The following NOS1 variants were observed in gnomAD, a reference collection of about 807,000 sequenced individuals.
NOS1 encodes the protein nitric oxide synthase 1.
In NOS1, 51 loss-of-function variants were observed where a neutral mutation model predicts 164.5. The ratio of observed to expected loss-of-function variants is 0.31; its 90% CI spans 0.25 to 0.39. The LOEUF (loss-of-function observed/expected upper bound fraction) is 0.39. Among genes scored for constraint, NOS1 ranks in the 10% least tolerant of loss-of-function variants. The pLI is 1.00. For synonymous variants in NOS1, 719 were observed against 745.8 expected, an observed-to-expected ratio of 0.96 and a Z score of 0.59; for missense variants, 1,362 against 1,885.6, an observed-to-expected ratio of 0.72 and a Z score of 5.14.
intron 3 of NOS1, among the ~76,000 whole-genome samples, chr12:117,300,274 G>A (rs1566065859): frequency 6.6e-6 from 1 of 152,146 alleles, no homozygotes; most frequent in Non-Finnish European, 1.5e-5. Context: ...GTGAAGGAGC[G>A]TGCAGAGTGG....
intron 10 of NOS1, among the ~76,000 whole-genome samples, chr12:117,270,049 A>G (rs1347902172): frequency 6.6e-6 from 1 of 152,222 alleles, no homozygotes; most frequent in East Asian, 1.9e-4. Flanking sequence ...CTGCTCTCTA[A>G]GCAGCTGACG....
intron 5 of NOS1, among the ~76,000 whole-genome samples, chr12:117,286,734 C>T (rs1874148402): frequency 6.6e-6 from 1 of 152,134 alleles, no homozygotes; most frequent in South Asian, 2.1e-4. Context: ...TCCCATGTCC[C>T]AAGCCTAAAA....
In NOS1 at chr12:117,220,286, G is replaced by T. The variant is rs1051711991; in HGVS notation, c.3976-17C>A. 2 of 1,592,886 alleles carry T rather than the reference G, an allele frequency of 1.3e-6. No homozygotes were observed. Among genetic ancestry groups the T allele is most frequent in the South Asian group, 2.3e-5 (2 of 88,342 alleles). On this transcript the variant is annotated splice_polypyrimidine_tract_variant and intron_variant, in intron 26 of 28. Coordinates refer to ENST00000317775, the MANE Select transcript of NOS1 (RefSeq NM_000620.5). ...CACGTACTTCTGCAAGGAGCAGAGAGCAGTGAGAAGGGGCTGGGCTGTGCA... is the reference window on the plus strand; with the variant it reads ...CACGTACTTCTGCAAGGAGCAGAGATCAGTGAGAAGGGGCTGGGCTGTGCA...
intron 28 of NOS1, among the ~76,000 whole-genome samples, chr12:117,217,231 G>A (rs1956625781): frequency 1.3e-5 from 2 of 152,132 alleles, no homozygotes; most frequent in South Asian, 2.1e-4. Context: ...GAGAGCTGGT[G>A]GAAAGGACAC....
In NOS1 at chr12:117,213,258, T is replaced by C; in HGVS notation, c.*2051A>G. On this transcript the variant is annotated 3_prime_UTR_variant, in exon 29 of 29. Transcript: ENST00000317775. ...GGAATTGGGGAGGCGTCTCCAAAGC[T>C]ATAAAGGATTGGAAAGAAAGCCTTT... is the stretch of plus-strand genomic sequence containing the variant. The C allele has an allele frequency of 2.0e-6, 2 of 985,476 alleles. No individual in the cohort carries two copies. Among genetic ancestry groups the C allele is most frequent in the South Asian group, 9.4e-5 (2 of 21,292 alleles). The allele number at this position is 985,476 out of a possible 1,614,324, so 61.0% of individuals were successfully genotyped here.
Position 117,286,223 on chromosome 12 carries a change from T to C in NOS1, c.1171A>G (p.Lys391Glu). 6.2e-7 allele frequency: 1 copy of C among 1,614,208 alleles called. No homozygotes were observed. The highest frequency in any genetic ancestry group is 8.5e-7 in the Non-Finnish European group (1 of 1,180,040). ...TAAGTGCTAGTGGTGTCGATCTCTTTGTTCACCTCTTCCAGCCTTTCCATG... is the reference window on the plus strand; with the variant it reads ...TAAGTGCTAGTGGTGTCGATCTCTTCGTTCACCTCTTCCAGCCTTTCCATG... ...AHMERLEEVN[K>E]EIDTTSTYQL... Residue 391 changes from lysine (K) to glutamate (E), a missense_variant, in exon 6 of 29, where the codon AAA becomes GAA. Transcript: ENST00000317775.
At position 117,213,673 on chromosome 12, in the gene NOS1, T is replaced by C. The variant is rs1482713613; in HGVS notation, c.*1636A>G. On this transcript the variant is annotated 3_prime_UTR_variant, in exon 29 of 29. Coordinates refer to ENST00000317775, the MANE Select transcript of NOS1 (RefSeq NM_000620.5). ...AACTGAACAACAAGATATGCCCACG[T>C]ACAGTATATAAAAGAAATGTGGTTT... 1.0e-6 allele frequency: 1 copy of C among 985,328 alleles called. No homozygotes were observed. The highest frequency in any genetic ancestry group is 1.7e-5 in the African/African-American group (1 of 57,238). The allele number at this position is 985,328 out of a possible 1,614,324, so 61.0% of individuals were successfully genotyped here.
Position 117,356,481 on chromosome 12 carries a change from A to G in NOS1, c.-421+5031T>C, listed in dbSNP as rs1259491375. ...ACCTCACCTCCACCTCTCTTGCAGAAACTTCACGCCAGGTACAGGGTTTGT... is the reference window on the plus strand; with the variant it reads ...ACCTCACCTCCACCTCTCTTGCAGAGACTTCACGCCAGGTACAGGGTTTGT... On this transcript the variant is annotated intron_variant, in intron 1 of 28. Coordinates refer to ENST00000317775, the MANE Select transcript of NOS1 (RefSeq NM_000620.5). This position sits in a 1 kb window ranked among gnomAD's most constrained non-coding sequence, Gnocchi z 4.2. 6.6e-6 allele frequency among the ~76,000 whole-genome samples: 1 copy of G among 152,190 alleles called. No homozygotes were observed. Among genetic ancestry groups the G allele is most frequent in the Non-Finnish European group, 1.5e-5 (1 of 68,038 alleles).
chr12:117,267,932 C>T lies in NOS1; in HGVS notation c.1941+111G>A, dbSNP rs1042142175. On this transcript the variant is annotated intron_variant, in intron 11 of 28. Coordinates refer to ENST00000317775, the MANE Select transcript of NOS1 (RefSeq NM_000620.5). ...TAGACCATACTCATGGACACAATCC[C>T]CGCAAAGGTGGTTTCTGGCAGTGAG... 5 of 718,436 alleles carry T rather than the reference C, an allele frequency of 7.0e-6. No individual in the cohort carries two copies. The African/African-American group carries it at 7.1e-5, about 10-fold the overall frequency. The allele number at this position is 718,436 out of a possible 1,614,324, so 44.5% of individuals were successfully genotyped here.
At position 117,212,556 on chromosome 12, in the gene NOS1, T is replaced by G; in HGVS notation, c.*2753A>C. The G allele has an allele frequency of 1.0e-6, 1 of 985,440 alleles. No individual in the cohort carries two copies. The highest frequency in any genetic ancestry group is 1.2e-6 in the Non-Finnish European group (1 of 829,934). 61.0% of individuals were successfully genotyped at this position (985,440 alleles called of 1,614,324 possible). On this transcript the variant is annotated 3_prime_UTR_variant, in exon 29 of 29. Coordinates refer to ENST00000317775, the MANE Select transcript of NOS1 (RefSeq NM_000620.5). ...GAGCATGATGTTCCGGTGTTCCTAT[T>G]TCAGGAGACGTCTCATTCCTCCTGG...
intron 11 of NOS1, among the ~76,000 whole-genome samples, chr12:117,266,528 GT>G (rs571605670): frequency 1.8e-3 from 268 of 147,420 alleles, no homozygotes; most frequent in African/African-American, 4.7e-3. Context: ...CTTCTTTTAG[GT>G]TTTTTTTTTC....
intron 1 of NOS1, among the ~76,000 whole-genome samples, chr12:117,343,265 G>A (rs1055755500): frequency 1.3e-5 from 2 of 151,348 alleles, no homozygotes; most frequent in African/African-American, 4.9e-5. Flanking sequence ...AGGAAGAGAG[G>A]GAGGGAGGGA....
In NOS1 at chr12:117,234,705, T is replaced by C. The variant is rs762340873; in HGVS notation, c.3095A>G (p.Tyr1032Cys). Reference sequence around the variant, plus strand: ...GACACCCAGGTGGTCCCCAGGCTGGTACTGCAGCTCCTGGCTCCCGTTGGT... The same window carrying C: ...GACACCCAGGTGGTCCCCAGGCTGGCACTGCAGCTCCTGGCTCCCGTTGGT... Reference protein sequence around the residue: ...LHTNGSQELQYQPGDHLGVFP... With the variant: ...LHTNGSQELQCQPGDHLGVFP... The change falls in exon 21 of 29, where the codon TAC becomes TGC. Residue 1032 changes from tyrosine to cysteine, a missense_variant. This residue lies in a region of NOS1 where 737 missense variants were observed against 1,030.3 expected (regional missense o/e 0.72). Transcript: ENST00000317775. The surrounding 1 kb of genome is among the most constrained non-coding windows in gnomAD (Gnocchi z 4.3). The C allele has an allele frequency of 1.7e-5, 27 of 1,614,026 alleles. No individual in the cohort carries two copies. The highest frequency in any genetic ancestry group is 2.3e-5 in the Non-Finnish European group (27 of 1,179,924).
intron 7 of NOS1, among the ~76,000 whole-genome samples, chr12:117,281,837 G>C (rs202109081): frequency 7.6e-6 from 1 of 131,742 alleles, no homozygotes; most frequent in African/African-American, 2.8e-5. Flanking sequence ...CTCAAAAAAA[G>C]AAAAAAAAAA....
At chr12:117,239,462 G>A (rs567024509) in intron 20 of NOS1, among the ~76,000 whole-genome samples, 4 of 152,292 alleles carry the variant, frequency 2.6e-5, no homozygotes, top group East Asian at 3.9e-4. Context: ...ATTGTTGTAC[G>A]TGCATTAGAA....
chr12:117,272,190 C>T lies in NOS1; in HGVS notation c.1839+195G>A, dbSNP rs1037460224. On this transcript the variant is annotated intron_variant, in intron 10 of 28. Coordinates refer to ENST00000317775, the MANE Select transcript of NOS1 (RefSeq NM_000620.5). This position sits in a 1 kb window ranked among gnomAD's most constrained non-coding sequence, Gnocchi z 4.3. ...GTTAGCACGTGCTATGTGCTATGTG[C>T]GTGTTTGCTGTTATTTTCATTGTTG... Among the ~76,000 whole-genome samples, 4 of 152,120 alleles carry T rather than the reference C, an allele frequency of 2.6e-5. No individual in the cohort carries two copies. Among genetic ancestry groups the T allele is most frequent in the Non-Finnish European group, 4.4e-5 (3 of 68,012 alleles).
In NOS1 at chr12:117,212,168, A is replaced by G; in HGVS notation, c.*3141T>C. On this transcript the variant is annotated 3_prime_UTR_variant, in exon 29 of 29. Coordinates refer to ENST00000317775, the MANE Select transcript of NOS1 (RefSeq NM_000620.5). ...ACACACTGGAGAAGCAAGACATGTT[A>G]TAAGTTAAGTGAAAAATTAAAATGC... 3.0e-6 allele frequency: 3 copies of G among 985,388 alleles called. No individual in the cohort carries two copies. The highest frequency in any genetic ancestry group is 1.7e-5 in the African/African-American group (1 of 57,356). 61.0% of individuals were successfully genotyped at this position (985,388 alleles called of 1,614,324 possible). A position where few individuals can be genotyped will look rare whatever the true frequency, so the allele number is the denominator to read the frequency against.
intron 11 of NOS1, among the ~76,000 whole-genome samples, chr12:117,265,904 C>T (rs1390294213): frequency 6.6e-6 from 1 of 151,946 alleles, no homozygotes; most frequent in Admixed American, 6.6e-5. Flanking sequence ...CATTCTCCTG[C>T]CTCAGCCTCC....
At position 117,214,719 on chromosome 12, in the gene NOS1, G is replaced by C. The variant is rs975598914; in HGVS notation, c.*590C>G. 12 of 985,118 alleles carry C rather than the reference G, an allele frequency of 1.2e-5. No homozygotes were observed. The highest frequency in any genetic ancestry group is 1.8e-5 in the African/African-American group (1 of 57,142). The allele number at this position is 985,118 out of a possible 1,614,324, so 61.0% of individuals were successfully genotyped here. ...GGACCCTAATTATGGACACACGAGG[G>C]ATTAATATGGGCCAGGGACACGTTT... is the stretch of plus-strand genomic sequence containing the variant. On this transcript the variant is annotated 3_prime_UTR_variant, in exon 29 of 29. Transcript: ENST00000317775.
Sources: gnomAD v4.1 joint callset for allele counts (sites outside exome capture counted in the v4.1 genomes callset) on GRCh38, gnomAD v4.1.1 for gene constraint, gnomAD v4.1.1 regional missense constraint, Gnocchi (gnomAD v3.1) non-coding constraint, MANE v1.5 for transcripts, NCBI Gene and HGNC (gene_info 2026-07-23, HGNC 2026-07-21) for gene names.